Variants in MRPL48 observed in about 807,000 individuals in gnomAD.
MRPL48 encodes the protein mitochondrial ribosomal protein L48.
A neutral mutation model predicts 32.9 loss-of-function variants in MRPL48; 16 were observed. That is an observed-to-expected ratio of 0.49 (90% CI 0.33 to 0.74). The LOEUF (loss-of-function observed/expected upper bound fraction) is 0.74, where lower values mean the gene tolerates loss of function less well. MRPL48 is among the 30% of genes least tolerant of loss of function. MRPL48 has a pLI of 0.02. For synonymous variants in MRPL48, 94 were observed against 89.2 expected, an observed-to-expected ratio of 1.05 and a Z score of -0.31; for missense variants, 206 against 245.3, an observed-to-expected ratio of 0.84 and a Z score of 1.07.
chr11:73,832,341 G>A (rs1435100673), intron 4 of MRPL48: 1 of 152,088 alleles, frequency 6.6e-6, no homozygotes, highest in Non-Finnish European at 1.5e-5. Flanking sequence ...TTATTTTGTT[G>A]TAGCACCCAT....
intron 5 of MRPL48, among the ~76,000 whole-genome samples, chr11:73,857,351 C>T (rs1019273880): frequency 9.9e-5 from 15 of 151,828 alleles, no homozygotes; most frequent in Admixed American, 3.3e-4. Flanking sequence ...AGGCTGGTCT[C>T]GAACTCCTGA....
At chr11:73,798,213 G>A (rs2134943623) in intron 1 of MRPL48, among the ~76,000 whole-genome samples, 1 of 152,064 alleles carries the variant, frequency 6.6e-6, no homozygotes, top group South Asian at 2.1e-4. Flanking sequence ...GAGTACCTGG[G>A]ATTACAGGCG....
At chr11:73,815,273 G>A (rs1265023765) in intron 3 of MRPL48, among the ~76,000 whole-genome samples, 7 of 151,340 alleles carry the variant, frequency 4.6e-5, no homozygotes, top group East Asian at 2.0e-4. Flanking sequence ...AAAATTAGCC[G>A]GGCGTGGTGG....
Position 73,859,904 on chromosome 11 carries a change from C to T in MRPL48, c.372-3C>T, listed in dbSNP as rs1465412451. ...CACTATAGCTGACTCTTCCTTCCCA[C>T]AGTTATGCAATGCCAACCAAAACCA... On this transcript the variant is annotated splice_polypyrimidine_tract_variant and splice_region_variant and intron_variant, in intron 5 of 7. Coordinates refer to ENST00000310614, the MANE Select transcript of MRPL48 (RefSeq NM_016055.6). 1 of 1,613,230 alleles carries T rather than the reference C, an allele frequency of 6.2e-7. No individual in the cohort carries two copies. Among genetic ancestry groups the T allele is most frequent in the African/African-American group, 1.3e-5 (1 of 74,882 alleles).
rs1403764771 is a variant in MRPL48, at chr11:73,850,921, C to T, written c.371+5945C>T. The T allele has an allele frequency of 7.1e-5, 18 of 253,624 alleles. No individual in the cohort carries two copies. The Admixed American group carries it at 8.1e-4, about 11-fold the overall frequency. 15.7% of individuals were successfully genotyped at this position (253,624 alleles called of 1,614,324 possible). A position where few individuals can be genotyped will look rare whatever the true frequency, so the allele number is the denominator to read the frequency against. The stretch of plus-strand genomic sequence containing the variant: ...TCGATCTCCTGACCTCGTGATCCGC[C>T]CTCCTTGGCCTCCCAAAGTGCTGGG... On this transcript the variant is annotated intron_variant, in intron 5 of 7. Transcript: ENST00000310614.
chr11:73,798,994 C>CAAA (rs113432463), intron 1 of MRPL48, among the ~76,000 whole-genome samples: 15,028 of 128,138 alleles, frequency 0.12, 868 homozygotes, highest in South Asian at 0.27. Flanking sequence ...CCCTCTCAAG[C>CAAA]AAAAAAAAAA....
rs796581524 is a variant in MRPL48, at chr11:73,825,736, C to T, written c.141C>T (p.Pro47=). 6.4e-7 allele frequency: 1 copy of T among 1,568,116 alleles called. No individual in the cohort carries two copies. The highest frequency in any genetic ancestry group is 8.6e-7 in the Non-Finnish European group (1 of 1,156,534). The stretch of plus-strand genomic sequence containing the variant: ...GAATTCTACTAAGTATCAGTCGGCC[C>T]TACAAGACAAAGCCCACCCACGGCA... The part of the protein sequence containing the change: ...VGGILLSISR[P]YKTKPTHGIG... The change falls in exon 4 of 8, where the codon CCC becomes CCT. Residue 47 remains proline, a synonymous_variant. Transcript: ENST00000310614.
Position 73,825,278 on chromosome 11 carries a change from T to TA in MRPL48, c.113-430_113-429insA, listed in dbSNP as rs1554969724. Among the ~76,000 whole-genome samples the TA allele has an allele frequency of 9.4e-3, 1,283 of 136,098 alleles. 16 individuals carry two copies. Among genetic ancestry groups the TA allele is most frequent in the Middle Eastern group, 0.038 (10 of 262 alleles). 89.3% of individuals were successfully genotyped at this position (136,098 alleles called of 152,430 possible). A position where few individuals can be genotyped will look rare whatever the true frequency, so the allele number is the denominator to read the frequency against. ...AAAATCCTTACTGTTACCTTGTTTT[T>TA]TATATATGTGTGTGTGTGTGTGTGT... On this transcript the variant is annotated intron_variant, in intron 3 of 7. Coordinates refer to ENST00000310614, the MANE Select transcript of MRPL48 (RefSeq NM_016055.6).
intron 1 of MRPL48, among the ~76,000 whole-genome samples, chr11:73,792,881 T>C (rs1947177742): frequency 6.6e-6 from 1 of 152,234 alleles, no homozygotes; most frequent in South Asian, 2.1e-4. Context: ...TCATGTGTTA[T>C]CTAATTTAAT....
At chr11:73,795,673 ATT>A (rs35881164) in intron 1 of MRPL48, among the ~76,000 whole-genome samples, 1 of 142,770 alleles carries the variant, frequency 7.0e-6, no homozygotes. Context: ...CGCCCAGCTA[ATT>A]TTTTTTTTTT....
intron 1 of MRPL48, 98 bp downstream of exon 1, chr11:73,788,090 G>T: frequency 6.5e-7 from 1 of 1,540,988 alleles, no homozygotes; most frequent in Admixed American, 1.9e-5. Context: ...GGCGGCGCGC[G>T]GACATCCGGG....
intron 1 of MRPL48, among the ~76,000 whole-genome samples, chr11:73,793,634 C>CTCCTAGAGGAAGTTGGGAGG (rs1281603186): frequency 3.3e-5 from 5 of 152,020 alleles, no homozygotes; most frequent in African/African-American, 1.2e-4. Flanking sequence ...TCCAGAGGAA[C>CTCCTAGAGGAAGTTGGGAGG]TCCTAGAGGA....
chr11:73,826,147 G>A (rs1462532071), intron 4 of MRPL48, among the ~76,000 whole-genome samples: 1 of 151,594 alleles, frequency 6.6e-6, no homozygotes, highest in Non-Finnish European at 1.5e-5. Context: ...CTCCCAAGTA[G>A]CTGGTACTAC....
At chr11:73,834,685 C>A (rs1396429416) in intron 4 of MRPL48, among the ~76,000 whole-genome samples, 5 of 151,910 alleles carry the variant, frequency 3.3e-5, no homozygotes, top group Non-Finnish European at 5.9e-5. Context: ...AGGCGTGTGC[C>A]ACCATGCCCA....
At position 73,864,974 on chromosome 11, in the gene MRPL48, GT is replaced by G. The variant is rs1423327588; in HGVS notation, c.*605del. The stretch of plus-strand genomic sequence containing the variant: ...ACCTGGCTAATTTTTTGTATTTTTA[GT>G]AGAGACGGGGTTTTACCATGTTAGC... On this transcript the variant is annotated 3_prime_UTR_variant, in exon 8 of 8. Coordinates refer to ENST00000310614, the MANE Select transcript of MRPL48 (RefSeq NM_016055.6). The G allele has an allele frequency of 1.3e-5, 2 of 152,868 alleles. No individual in the cohort carries two copies. The highest frequency in any genetic ancestry group is 2.4e-5 in the African/African-American group (1 of 41,432). 9.5% of individuals were successfully genotyped at this position (152,868 alleles called of 1,614,324 possible).
At chr11:73,852,649 G>A (rs916983617) in intron 5 of MRPL48, among the ~76,000 whole-genome samples, 21 of 152,246 alleles carry the variant, frequency 1.4e-4, no homozygotes, top group African/African-American at 5.1e-4. Context: ...CTGTTGATGG[G>A]ATTGAAAATT....
chr11:73,827,201 G>T (rs910049591), intron 4 of MRPL48, among the ~76,000 whole-genome samples: 1 of 151,928 alleles, frequency 6.6e-6, no homozygotes, highest in Admixed American at 6.6e-5. Context: ...TGACCAACAT[G>T]GCAGGAACCC....
At position 73,838,840 on chromosome 11, in the gene MRPL48, G is replaced by C. The variant is rs1165083262; in HGVS notation, c.202-5967G>C. Among the ~76,000 whole-genome samples the C allele has an allele frequency of 2.0e-5, 3 of 152,222 alleles. No homozygotes were observed. In the East Asian group the frequency reaches 5.8e-4, roughly 29 times the overall value. Reference sequence around the variant, plus strand: ...TCAGGAGGTCTGGATTTTAGTTCCTGGGGTCTGTCTTGTCTGGCTTCGTGA... The same window carrying C: ...TCAGGAGGTCTGGATTTTAGTTCCTCGGGTCTGTCTTGTCTGGCTTCGTGA... On this transcript the variant is annotated intron_variant, in intron 4 of 7. Transcript: ENST00000310614.
In MRPL48 at chr11:73,787,950, A is replaced by G. The variant is rs1461580446; in HGVS notation, c.-22A>G. 3.1e-6 allele frequency: 5 copies of G among 1,612,948 alleles called. No homozygotes were observed. The South Asian group carries it at 5.5e-5, about 18-fold the overall frequency. On this transcript the variant is annotated 5_prime_UTR_variant, in exon 1 of 8. Coordinates refer to ENST00000310614, the MANE Select transcript of MRPL48 (RefSeq NM_016055.6). ...GGTCCGGTCTTCGGTTTGCACAGCTAGAGGCCGCGCAGCAGCAAAGGATGA... is the reference window on the plus strand; with the variant it reads ...GGTCCGGTCTTCGGTTTGCACAGCTGGAGGCCGCGCAGCAGCAAAGGATGA...
Sources: allele counts gnomAD v4.1 joint callset (sites outside exome capture counted in the v4.1 genomes callset), GRCh38; gene constraint gnomAD v4.1.1; transcripts MANE v1.5; gene names NCBI Gene and HGNC (gene_info 2026-07-23, HGNC 2026-07-21).